Variants in PPEF2 observed in about 807,000 individuals in gnomAD.
PPEF2 encodes the protein protein phosphatase with EF-hand domain 2.
A neutral mutation model predicts 84.7 loss-of-function variants in PPEF2; 84 were observed. The observed-to-expected ratio is 0.99, with a 90% confidence interval of 0.83 to 1.19. The LOEUF (loss-of-function observed/expected upper bound fraction) is 1.19. Among genes scored for constraint, PPEF2 ranks in the 50% most tolerant of loss-of-function variants. The pLI, the probability that PPEF2 is intolerant of heterozygous loss-of-function variation, is 0.00. For synonymous variants in PPEF2, 346 were observed against 345.2 expected (o/e 1.00, Z -0.03); for missense variants, 924 against 937.5 (o/e 0.99, Z 0.19).
chr4:75,898,536 T>C (rs1165600471), intron 1 of PPEF2, among the ~76,000 whole-genome samples: 1 of 152,236 alleles, frequency 6.6e-6, no homozygotes, highest in Admixed American at 6.5e-5. Flanking sequence ...AATATCCTGT[T>C]CACATTTCCA....
At position 75,873,131 on chromosome 4, in the gene PPEF2, C is replaced by T. The variant is rs143649959; in HGVS notation, c.1502G>A (p.Arg501His). 21 of 1,612,546 alleles carry T rather than the reference C, an allele frequency of 1.3e-5. No individual in the cohort carries two copies. The highest frequency in any genetic ancestry group is 5.0e-5 in the Admixed American group (3 of 59,968). Reference sequence around the variant, plus strand: ...TGCTGCAGAGGGAGCACCCACCTTGCGGTTGTGACAGAATTCATAGCCTTC... The same window carrying T: ...TGCTGCAGAGGGAGCACCCACCTTGTGGTTGTGACAGAATTCATAGCCTTC... ...KPEGYEFCHN[R>H]KVLTIFSASN... The change falls in exon 12 of 17, where the codon CGC (arginine) becomes CAC (histidine). Residue 501 changes from arginine to histidine, a missense_variant. Physicochemically the swap from Arg to His is conservative, Grantham distance 29. Coordinates refer to ENST00000286719, the MANE Select transcript of PPEF2 (RefSeq NM_006239.3).
Position 75,860,478 on chromosome 4 carries a change from T to C in PPEF2, c.*189A>G, listed in dbSNP as rs1284265142. On this transcript the variant is annotated 3_prime_UTR_variant, in exon 17 of 17. Coordinates refer to ENST00000286719, the MANE Select transcript of PPEF2 (RefSeq NM_006239.3). ...TTGTGAGGTGGGGTTGGGGCACTCA[T>C]ATACTTAAAACACATACATACACAA... 33 of 690,156 alleles carry C rather than the reference T, an allele frequency of 4.8e-5. 1 individual carries two copies. The South Asian group carries it at 6.5e-4, about 14-fold the overall frequency. The allele number at this position is 690,156 out of a possible 1,614,324, so 42.8% of individuals were successfully genotyped here.
At chr4:75,893,858 TCTCC>T (rs201003770) in intron 2 of PPEF2, among the ~76,000 whole-genome samples, 1 of 79,588 alleles carries the variant, frequency 1.3e-5, no homozygotes, top group Non-Finnish European at 2.8e-5. Flanking sequence ...CACCTTTCAT[TCTCC>T]CTCTTTTTTT....
chr4:75,874,339 A>G (rs1724357822), intron 11 of PPEF2, among the ~76,000 whole-genome samples: 1 of 150,440 alleles, frequency 6.6e-6, no homozygotes, highest in Non-Finnish European at 1.5e-5. Flanking sequence ...TCAGTTGCCC[A>G]GGCTGGAGTG....
chr4:75,880,261 A>T (rs1392972580), intron 10 of PPEF2, among the ~76,000 whole-genome samples: 1 of 152,178 alleles, frequency 6.6e-6, no homozygotes, highest in African/African-American at 2.4e-5. Flanking sequence ...AAATTAGTTG[A>T]TTAACCACCA....
chr4:75,888,807 G>A (rs1034180136), intron 5 of PPEF2, among the ~76,000 whole-genome samples: 1 of 152,348 alleles, frequency 6.6e-6, no homozygotes, highest in Admixed American at 6.5e-5. Flanking sequence ...AGAGTTCCAA[G>A]CCACTGTCAT....
intron 10 of PPEF2, 178 bp downstream of exon 10, chr4:75,882,748 C>T: frequency 1.7e-6 from 1 of 601,708 alleles, no homozygotes. Flanking sequence ...ATCTTCCTGT[C>T]TTCTAAAGTG....
chr4:75,902,010 A>G (rs1560491327), intron 1 of PPEF2, among the ~76,000 whole-genome samples: 2 of 152,280 alleles, frequency 1.3e-5, no homozygotes, highest in South Asian at 2.1e-4. Flanking sequence ...TCTGTCCACT[A>G]AGTGAGCCCA....
intron 1 of PPEF2, among the ~76,000 whole-genome samples, chr4:75,897,128 C>A (rs1394264614): frequency 6.6e-6 from 1 of 152,130 alleles, no homozygotes; most frequent in African/African-American, 2.4e-5. Flanking sequence ...GCTGGGATTA[C>A]AGGCGTGAGC....
chr4:75,866,250 T>C lies in PPEF2; in HGVS notation c.1859A>G (p.Asp620Gly), dbSNP rs752444229. 1 of 1,614,146 alleles carries C rather than the reference T, an allele frequency of 6.2e-7. No homozygotes were observed. Among genetic ancestry groups the C allele is most frequent in the Non-Finnish European group, 8.5e-7 (1 of 1,180,020 alleles). The part of the protein sequence containing the change: ...LRPQLVNSSA[D>G]NMLEYKSWLK... The stretch of plus-strand genomic sequence containing the variant: ...CCAAGACTTGTACTCCAGCATGTTG[T>C]CTGCTGAGCTGTTCACCAGCTGTGG... Residue 620 changes from aspartate (D) to glycine (G), a missense_variant, in exon 15 of 17, where the codon GAC becomes GGC. By Grantham distance (94) the Asp-to-Gly change is moderately conservative. Transcript: ENST00000286719.
At chr4:75,867,743 A>G (rs1724166623) in intron 13 of PPEF2, among the ~76,000 whole-genome samples, 1 of 152,216 alleles carries the variant, frequency 6.6e-6, no homozygotes, top group Non-Finnish European at 1.5e-5. Flanking sequence ...TCCACTTCAC[A>G]GGATTATTGT....
At chr4:75,896,660 CTCCTATAT>C (rs1725016541) in intron 1 of PPEF2, among the ~76,000 whole-genome samples, 1 of 152,060 alleles carries the variant, frequency 6.6e-6, no homozygotes, top group African/African-American at 2.4e-5. Flanking sequence ...CTCCCTTGAC[CTCCTATAT>C]TCCTCTAACT....
chr4:75,893,563 C>G (rs1315465744), intron 2 of PPEF2, among the ~76,000 whole-genome samples: 1 of 152,156 alleles, frequency 6.6e-6, no homozygotes, highest in Non-Finnish European at 1.5e-5. Context: ...GCTACAGATT[C>G]TTTAGAGATT....
Position 75,884,640 on chromosome 4 carries a change from A to G in PPEF2, c.700T>C (p.Phe234Leu), listed in dbSNP as rs147825228. The G allele has an allele frequency of 1.9e-5, 30 of 1,612,906 alleles. No homozygotes were observed. The highest frequency in any genetic ancestry group is 5.0e-5 in the Admixed American group (3 of 59,730). The change falls in exon 8 of 17, where the codon TTC becomes CTC. Residue 234 changes from phenylalanine to leucine, a missense_variant. Phe to Leu is a conservative substitution (Grantham distance 22). Transcript: ENST00000286719. Reference sequence around the variant, plus strand: ...TCATGGTTTCCTCTGTTAAGATGGAACTCTTTGGGGTAAACCAGCATGAAG... The same window carrying G: ...TCATGGTTTCCTCTGTTAAGATGGAGCTCTTTGGGGTAAACCAGCATGAAG... ...FAFMLVYPKE[F>L]HLNRGNHEDH...
At chr4:75,892,642 G>A (rs528400197) in intron 2 of PPEF2, among the ~76,000 whole-genome samples, 15 of 152,298 alleles carry the variant, frequency 9.8e-5, no homozygotes, top group Admixed American at 2.0e-4. Context: ...AAGCACCCCC[G>A]TCATAAGATA....
intron 7 of PPEF2, among the ~76,000 whole-genome samples, chr4:75,885,721 C>T (rs1397820329): frequency 6.6e-6 from 1 of 151,862 alleles, no homozygotes; most frequent in Non-Finnish European, 1.5e-5. Context: ...AAAAATTAGT[C>T]CATCGTAGGC....
chr4:75,892,102 G>T, intron 2 of PPEF2, 124 bp from the exon 3 acceptor site: 1 of 1,270,716 alleles, frequency 7.9e-7, no homozygotes. Context: ...TGGAGCAGAA[G>T]CACTACCCAT....
Position 75,889,993 on chromosome 4 carries a change from A to C in PPEF2, c.381T>G (p.His127Gln). The stretch of plus-strand genomic sequence containing the variant: ...TGAATGCTTCTACCAGGGCAGTTGC[A>C]TGGTCAGGCAGGAGTGGGAAGGAGA... Reference protein sequence around the residue: ...PRLSFPLLPDHATALVEAFRL... With the variant: ...PRLSFPLLPDQATALVEAFRL... Residue 127 changes from histidine (H) to glutamine (Q), a missense_variant, in exon 5 of 17, where the codon CAT becomes CAG. Transcript: ENST00000286719. The C allele has an allele frequency of 6.2e-7, 1 of 1,614,152 alleles. No homozygotes were observed. The highest frequency in any genetic ancestry group is 1.1e-5 in the South Asian group (1 of 91,080).
At chr4:75,897,691 C>G in intron 1 of PPEF2, among the ~76,000 whole-genome samples, 1 of 152,160 alleles carries the variant, frequency 6.6e-6, no homozygotes, top group East Asian at 1.9e-4. Flanking sequence ...AGGAGAATGG[C>G]TTGAACCTGG....
Sources: allele counts gnomAD v4.1 joint callset (sites outside exome capture counted in the v4.1 genomes callset), GRCh38; gene constraint gnomAD v4.1.1; transcripts MANE v1.5; gene names NCBI Gene and HGNC (gene_info 2026-07-23, HGNC 2026-07-21).